The following TTLL1 variants were observed in gnomAD, a reference collection of about 807,000 sequenced individuals.
TTLL1 encodes polyglutamylase complex subunit TTLL1.
TTLL1 carries 33 observed loss-of-function variants against 47.8 expected under a neutral mutation model. The observed-to-expected ratio is 0.69, with a 90% confidence interval of 0.52 to 0.92. The LOEUF (loss-of-function observed/expected upper bound fraction) is 0.92, where lower values mean the gene tolerates loss of function less well. TTLL1 is among the 40% of genes least tolerant of loss of function. The probability of loss-of-function intolerance (pLI) is 0.00; values close to 1 mark genes in which losing one functional copy is unlikely to be tolerated. For synonymous variants in TTLL1, 225 were observed against 214.1 expected (o/e 1.05, Z -0.45); for missense variants, 488 against 547.5 (o/e 0.89, Z 1.08).
At chr22:43,052,157 C>A (rs1410171245) in intron 8 of TTLL1, 1 of 452,596 alleles carries the variant, frequency 2.2e-6, no homozygotes, top group Non-Finnish European at 4.1e-6. Context: ...TAGCACCCAA[C>A]CCCTCTGTTG....
chr22:43,043,907 C>T (rs1380007654), intron 10 of TTLL1, among the ~76,000 whole-genome samples: 3 of 152,042 alleles, frequency 2.0e-5, no homozygotes, highest in African/African-American at 7.2e-5. Flanking sequence ...TGGCAATGAC[C>T]AAACAGATGA....
chr22:43,063,839 T>C lies in TTLL1; in HGVS notation c.721A>G (p.Thr241Ala). The C allele has an allele frequency of 5.0e-6, 8 of 1,613,984 alleles. No individual in the cohort carries two copies. The highest frequency in any genetic ancestry group is 6.8e-6 in the Non-Finnish European group (8 of 1,179,916). ...CCGTGTTTCTGGATGGCGACGTTGGTGAGATGAACGAACATGTTGTCCAGC... is the reference window on the plus strand; with the variant it reads ...CCGTGTTTCTGGATGGCGACGTTGGCGAGATGAACGAACATGTTGTCCAGC... ...SELDNMFVHL[T>A]NVAIQKHGED... The change falls in exon 7 of 11, where the codon ACC (threonine) becomes GCC (alanine). Residue 241 changes from threonine (T) to alanine (A), a missense_variant. Transcript: ENST00000266254.
intron 2 of TTLL1, among the ~76,000 whole-genome samples, chr22:43,077,350 C>G (rs956472754): frequency 6.6e-6 from 1 of 152,140 alleles, no homozygotes; most frequent in Non-Finnish European, 1.5e-5. Context: ...CTGGCTAAGC[C>G]GCCTCCCACT....
intron 1 of TTLL1, among the ~76,000 whole-genome samples, chr22:43,082,186 TA>T (rs1928943974): frequency 6.6e-6 from 1 of 151,100 alleles, no homozygotes; most frequent in African/African-American, 2.4e-5. Flanking sequence ...ACAACACAGA[TA>T]ATTGATTACG....
intron 2 of TTLL1, among the ~76,000 whole-genome samples, chr22:43,077,718 G>T (rs925075740): frequency 6.6e-6 from 1 of 152,094 alleles, no homozygotes; most frequent in Non-Finnish European, 1.5e-5. Flanking sequence ...CTCCCACCCC[G>T]GCTCCAACCA....
At position 43,068,428 on chromosome 22, in the gene TTLL1, C is replaced by G; in HGVS notation, c.485G>C (p.Arg162Pro). 6.5e-7 allele frequency: 1 copy of G among 1,536,962 alleles called. No individual in the cohort carries two copies. Among genetic ancestry groups the G allele is most frequent in the Non-Finnish European group, 8.9e-7 (1 of 1,126,222 alleles). The change falls in exon 5 of 11, where the codon CGG becomes CCG. Residue 162 changes from arginine to proline, a missense_variant. Arg to Pro is a moderately radical substitution (Grantham distance 103, BLOSUM62 -2). Coordinates refer to ENST00000266254, the MANE Select transcript of TTLL1 (RefSeq NM_012263.5). ...CACTTACGAAGATGTCTTGCTGTCC[C>G]GGGACCACTTTTTGATCTGTGAGAG... ...NKLSQIKKWS[R>P]DSKTSSFVSQ... is the part of the protein sequence containing the mutation.
In TTLL1 at chr22:43,077,286, G is replaced by C. The variant is rs116686490; in HGVS notation, c.-4-1696C>G. On this transcript the variant is annotated intron_variant, in intron 2 of 10. Coordinates refer to ENST00000266254, the MANE Select transcript of TTLL1 (RefSeq NM_012263.5). ...TCTGCCCACTCTCTCTCCTGCCACA[G>C]GCCTCGCACACACTGGGCCCCTCCG... Among the ~76,000 whole-genome samples the C allele has an allele frequency of 4.8e-3, 728 of 152,196 alleles. 9 individuals carry two copies. The highest frequency in any genetic ancestry group is 0.017 in the African/African-American group (698 of 41,526).
At chr22:43,066,013 G>T (rs1234591654) in intron 5 of TTLL1, among the ~76,000 whole-genome samples, 1 of 151,868 alleles carries the variant, frequency 6.6e-6, no homozygotes, top group Non-Finnish European at 1.5e-5. Flanking sequence ...ACAAAAATTA[G>T]CCAGGTGTGG....
intron 1 of TTLL1, among the ~76,000 whole-genome samples, chr22:43,086,430 T>C (rs1929233184): frequency 2.6e-5 from 4 of 152,096 alleles, no homozygotes; most frequent in African/African-American, 9.7e-5. Flanking sequence ...GGTAGGATCG[T>C]CATGAGCTCA....
At chr22:43,047,974 T>C (rs937469185) in intron 9 of TTLL1, among the ~76,000 whole-genome samples, 1 of 152,150 alleles carries the variant, frequency 6.6e-6, no homozygotes, top group South Asian at 2.1e-4. Flanking sequence ...ATGACCACTG[T>C]AGTATACCAT....
Position 43,082,549 on chromosome 22 carries a change from C to T in TTLL1, c.-89-2563G>A, listed in dbSNP as rs778817340. On this transcript the variant is annotated intron_variant, in intron 1 of 10. Coordinates refer to ENST00000266254, the MANE Select transcript of TTLL1 (RefSeq NM_012263.5). ...TGACCAACATGGTGAAATACCGTCT[C>T]TACTAAAAATACAAAAATTAGCCAG... Among the ~76,000 whole-genome samples the T allele has an allele frequency of 2.6e-5, 4 of 151,892 alleles. No individual in the cohort carries two copies. The South Asian group carries it at 6.2e-4, about 24-fold the overall frequency.
At chr22:43,051,677 C>G in intron 9 of TTLL1, 124 bp downstream of exon 9, 1 of 895,126 alleles carries the variant, frequency 1.1e-6, no homozygotes, top group Non-Finnish European at 1.9e-6. Flanking sequence ...ACTCGAACAT[C>G]AGTCCCCTTC....
Position 43,064,138 on chromosome 22 carries a change from G to A in TTLL1, c.638+52C>T, listed in dbSNP as rs368220757. 17 of 1,590,218 alleles carry A rather than the reference G, an allele frequency of 1.1e-5. No homozygotes were observed. In the African/African-American group the frequency reaches 1.5e-4, roughly 14 times the overall value. On this transcript the variant is annotated intron_variant, in intron 6 of 10. Coordinates refer to ENST00000266254, the MANE Select transcript of TTLL1 (RefSeq NM_012263.5). ...TCACAATGGTGCTAAGAAGAAAGAC[G>A]TTTTGGGTGAAAACACAATCAAGAG... is the stretch of plus-strand genomic sequence containing the variant.
At chr22:43,080,592 G>A (rs1267618065) in intron 1 of TTLL1, among the ~76,000 whole-genome samples, 1 of 151,634 alleles carries the variant, frequency 6.6e-6, no homozygotes, top group African/African-American at 2.4e-5. Flanking sequence ...ACACCTGCCC[G>A]ACCCTTTCCT....
chr22:43,061,236 A>G (rs1927370964), intron 7 of TTLL1, among the ~76,000 whole-genome samples: 1 of 145,094 alleles, frequency 6.9e-6, no homozygotes, highest in Non-Finnish European at 1.5e-5. Context: ...AAAATTTGTA[A>G]AACTGATGCT....
chr22:43,051,133 C>T (rs1030180831), intron 9 of TTLL1, among the ~76,000 whole-genome samples: 5 of 152,210 alleles, frequency 3.3e-5, no homozygotes, highest in African/African-American at 4.8e-5. Flanking sequence ...CCAATAGAGC[C>T]GGAGTTCTTT....
intron 1 of TTLL1, among the ~76,000 whole-genome samples, chr22:43,080,246 G>A (rs866196917): frequency 6.6e-6 from 1 of 151,888 alleles, no homozygotes. Context: ...GTAGAGACAG[G>A]GTTTCCCCAT....
In TTLL1 at chr22:43,069,682, C is replaced by T; in HGVS notation, c.276G>A (p.Gly92=). 1 of 1,614,226 alleles carries T rather than the reference C, an allele frequency of 6.2e-7. No individual in the cohort carries two copies. Among genetic ancestry groups the T allele is most frequent in the Middle Eastern group, 1.6e-4 (1 of 6,062 alleles). The part of the protein sequence containing the change: ...KRYRKELEKE[G]SPLAEKDENG... ...TTTCATCTTTTTCTGCCAGAGGACTCCCTTCTTTCTCCAGCTCCTTCCTGT... is the reference window on the plus strand; with the variant it reads ...TTTCATCTTTTTCTGCCAGAGGACTTCCTTCTTTCTCCAGCTCCTTCCTGT... The change falls in exon 4 of 11, where the codon GGG becomes GGA. Residue 92 remains glycine, a synonymous_variant. Coordinates refer to ENST00000266254, the MANE Select transcript of TTLL1 (RefSeq NM_012263.5).
At chr22:43,044,949 G>A (rs1030207779) in intron 10 of TTLL1, among the ~76,000 whole-genome samples, 3 of 151,134 alleles carry the variant, frequency 2.0e-5, no homozygotes, top group Non-Finnish European at 4.4e-5. Context: ...TGCAACCTCC[G>A]CCTCCCGGGT....
Sources: allele counts gnomAD v4.1 joint callset (sites outside exome capture counted in the v4.1 genomes callset), GRCh38; gene constraint gnomAD v4.1.1; transcripts MANE v1.5; gene names NCBI Gene and HGNC (gene_info 2026-07-23, HGNC 2026-07-21).